RAP1GAP: variants seen among roughly 807,000 people sequenced by gnomAD.
RAP1GAP encodes the protein rap1 GTPase-activating protein 1.
A neutral mutation model predicts 87.2 loss-of-function variants in RAP1GAP; 35 were observed. The ratio of observed to expected loss-of-function variants is 0.40; its 90% CI spans 0.31 to 0.53. RAP1GAP has a LOEUF of 0.53. RAP1GAP is among the 20% of genes least tolerant of loss of function. The probability of loss-of-function intolerance (pLI) is 0.48; values close to 1 mark genes in which losing one functional copy is unlikely to be tolerated. For synonymous variants in RAP1GAP, 375 were observed against 363.9 expected (o/e 1.03, Z -0.35); for missense variants, 734 against 898.9 (o/e 0.82, Z 2.35).
At chr1:21,599,126 G>A (rs990878814) in intron 21 of RAP1GAP, among the ~76,000 whole-genome samples, 83 of 152,318 alleles carry the variant, frequency 5.4e-4, no homozygotes, top group African/African-American at 1.9e-3. Flanking sequence ...AGGAGGAGGC[G>A]GCAGGAAGAG....
intron 1 of RAP1GAP, among the ~76,000 whole-genome samples, chr1:21,667,062 C>T (rs1028350439): frequency 2.0e-5 from 3 of 152,208 alleles, no homozygotes; most frequent in Admixed American, 2.0e-4. Flanking sequence ...ACTGTATTTG[C>T]GTTTGTGTCT....
rs756224015 is a variant in RAP1GAP at position 21,597,972 on chromosome 1, T to C, written c.1972A>G (p.Met658Val). 3.4e-5 allele frequency: 53 copies of C among 1,570,190 alleles called. No homozygotes were observed. The East Asian group carries it at 7.0e-4, about 21-fold the overall frequency. The change falls in exon 23 of 25, where the codon ATG becomes GTG. Residue 658 changes from methionine to valine, a missense_variant. By Grantham distance (21) the Met-to-Val change is conservative. This residue lies in a region of RAP1GAP where 249 missense variants were observed against 252.7 expected (regional missense o/e 0.99). Coordinates refer to ENST00000374765, the MANE Select transcript of RAP1GAP (RefSeq NM_002885.4). Reference protein sequence around the residue: ...KIQLEASEQHMPQLGC With the variant: ...KIQLEASEQHVPQLGC Reference sequence around the variant, plus strand: ...GAGGCTGCACGTACCAGCTGGGGCATGTGCTGCTCAGATGCTTCCAGCTGG... The same window carrying C: ...GAGGCTGCACGTACCAGCTGGGGCACGTGCTGCTCAGATGCTTCCAGCTGG...
chr1:21,649,919 A>C lies in RAP1GAP; in HGVS notation c.-148-123T>G, dbSNP rs1216370566. The C allele has an allele frequency of 6.1e-5, 61 of 997,132 alleles. No individual in the cohort carries two copies. The Admixed American group carries it at 1.2e-3, about 20-fold the overall frequency. 61.8% of individuals were successfully genotyped at this position (997,132 alleles called of 1,614,324 possible). A position where few individuals can be genotyped will look rare whatever the true frequency, so the allele number is the denominator to read the frequency against. The stretch of plus-strand genomic sequence containing the variant: ...AGGGGCTGGAGAAGGTCCTGTTTCT[A>C]AGGATGCCTGATGCAGTCACTATCA... On this transcript the variant is annotated intron_variant, in intron 1 of 24. Transcript: ENST00000374765.
rs368853218 is a variant in RAP1GAP, at chr1:21,627,223, G to A, written c.-112-826C>T. On this transcript the variant is annotated intron_variant, in intron 2 of 24. Coordinates refer to ENST00000374765, the MANE Select transcript of RAP1GAP (RefSeq NM_002885.4). ...CGCTGCTGCCTAGGGCCACCCTGACGTGGCTGCACCTCTGCTCAGGTCCCA... is the reference window on the plus strand; with the variant it reads ...CGCTGCTGCCTAGGGCCACCCTGACATGGCTGCACCTCTGCTCAGGTCCCA... Among the ~76,000 whole-genome samples the A allele has an allele frequency of 5.3e-5, 8 of 152,302 alleles. 1 individual carries two copies. Among genetic ancestry groups the A allele is most frequent in the African/African-American group, 1.9e-4 (8 of 41,576 alleles).
intron 2 of RAP1GAP, chr1:21,627,023 A>C: frequency 2.2e-6 from 1 of 456,626 alleles, no homozygotes; most frequent in Non-Finnish European, 4.4e-6. Context: ...GCCTGAGTCT[A>C]AGCCCGGACT....
intron 19 of RAP1GAP, 112 bp from the exon 20 acceptor site, chr1:21,601,909 C>G (rs2068889714): frequency 2.9e-6 from 2 of 690,206 alleles, no homozygotes; most frequent in East Asian, 5.6e-5. Context: ...CATACCCACG[C>G]CCCTATACTC....
intron 1 of RAP1GAP, chr1:21,667,723 C>T (rs954334825): frequency 1.3e-5 from 2 of 152,314 alleles, no homozygotes; most frequent in African/African-American, 4.8e-5. Context: ...CTAGACCTTG[C>T]TGAAGGTGAC....
At chr1:21,605,827 G>A (rs987376415) in intron 18 of RAP1GAP, among the ~76,000 whole-genome samples, 1 of 152,262 alleles carries the variant, frequency 6.6e-6, no homozygotes, top group African/African-American at 2.4e-5. Context: ...CAGGAGGAGG[G>A]GAGGGCCAAG....
intron 17 of RAP1GAP, among the ~76,000 whole-genome samples, chr1:21,606,448 C>T (rs1168839546): frequency 6.6e-6 from 1 of 152,214 alleles, no homozygotes; most frequent in African/African-American, 2.4e-5. Context: ...GGCTCTGCCA[C>T]CAACTTGCCG....
intron 3 of RAP1GAP, among the ~76,000 whole-genome samples, chr1:21,621,363 T>C (rs2087326636): frequency 1.3e-5 from 2 of 151,782 alleles, no homozygotes; most frequent in African/African-American, 4.8e-5. Context: ...ACTGCAGGGG[T>C]AGCTAATCCC....
chr1:21,610,019 T>G, intron 14 of RAP1GAP, 101 bp downstream of exon 14: 19 of 1,367,304 alleles, frequency 1.4e-5, no homozygotes, highest in Admixed American at 2.5e-5. Context: ...GGTCCCCCCA[T>G]TATAGCTGGA....
At chr1:21,617,530 C>A (rs1466899393) in intron 6 of RAP1GAP, 39 bp from the exon 7 acceptor site, 1 of 1,554,606 alleles carries the variant, frequency 6.4e-7, no homozygotes, top group South Asian at 1.2e-5. Context: ...CCACACTGTA[C>A]CCCACTGGGC....
Position 21,606,093 on chromosome 1 carries a change from G to A in RAP1GAP, c.1401C>T (p.Asn467=), listed in dbSNP as rs751072147. Residue 467 remains asparagine, a synonymous_variant, in exon 18 of 25, where the codon AAC becomes AAT. Transcript: ENST00000374765. ...TTCCAGCCGCCTTGGCCAGGTCGGG[G>A]TTGTTGGGCGCGAAGCTCCCGCTGT... ...TSHSGSFAPN[N]PDLAKAAGIS... is the part of the protein sequence containing the mutation. 35 of 1,587,344 alleles carry A rather than the reference G, an allele frequency of 2.2e-5. 1 individual carries two copies. In the Admixed American group the frequency reaches 6.3e-4, roughly 29 times the overall value.
intron 1 of RAP1GAP, among the ~76,000 whole-genome samples, chr1:21,653,569 T>G (rs1035516728): frequency 2.9e-5 from 4 of 136,348 alleles, no homozygotes; most frequent in Admixed American, 2.2e-4. Flanking sequence ...CCTTCCTTCC[T>G]TCCTTCCTTC....
chr1:21,648,074 G>C (rs2096240866), intron 2 of RAP1GAP, among the ~76,000 whole-genome samples: 1 of 152,250 alleles, frequency 6.6e-6, no homozygotes, highest in African/African-American at 2.4e-5. Flanking sequence ...CAGCTGGGAA[G>C]GGAGGGCCTA....
chr1:21,661,053 A>G (rs2097137164), intron 1 of RAP1GAP, among the ~76,000 whole-genome samples: 1 of 152,152 alleles, frequency 6.6e-6, no homozygotes, highest in African/African-American at 2.4e-5. Flanking sequence ...GGAGTTCGAG[A>G]ACAGCCTGGC....
At position 21,634,644 on chromosome 1, in the gene RAP1GAP, C is replaced by T. The variant is rs1001721003; in HGVS notation, c.-112-8247G>A. 7 of 240,458 alleles carry T rather than the reference C, an allele frequency of 2.9e-5. No individual in the cohort carries two copies. The highest frequency in any genetic ancestry group is 1.7e-4 in the Admixed American group (4 of 23,692). The allele number at this position is 240,458 out of a possible 1,614,324, so 14.9% of individuals were successfully genotyped here. A position where few individuals can be genotyped will look rare whatever the true frequency, so the allele number is the denominator to read the frequency against. On this transcript the variant is annotated intron_variant, in intron 2 of 24. Transcript: ENST00000374765. The surrounding 1 kb of genome is among the most constrained non-coding windows in gnomAD (Gnocchi z 4.1). ...GCTGCATGCCGAGACACCCGGATCCCGGAGCTGGGCCAGGCAGAGGCCTCC... is the reference window on the plus strand; with the variant it reads ...GCTGCATGCCGAGACACCCGGATCCTGGAGCTGGGCCAGGCAGAGGCCTCC...
intron 1 of RAP1GAP, among the ~76,000 whole-genome samples, chr1:21,657,925 G>T (rs1240885715): frequency 6.6e-6 from 1 of 152,264 alleles, no homozygotes; most frequent in Non-Finnish European, 1.5e-5. Context: ...CCCCGACAAG[G>T]CCCTCATTGA....
At chr1:21,604,842 G>GAGATGGAT (rs2072787338) in intron 18 of RAP1GAP, among the ~76,000 whole-genome samples, 1 of 131,500 alleles carries the variant, frequency 7.6e-6, no homozygotes, top group Non-Finnish European at 1.7e-5. Context: ...GGGATGGATA[G>GAGATGGAT]AGATGGATGG....
Sources: allele counts gnomAD v4.1 joint callset (sites outside exome capture counted in the v4.1 genomes callset), GRCh38; gene constraint gnomAD v4.1.1; regional missense constraint gnomAD v4.1.1; non-coding constraint Gnocchi (gnomAD v3.1); transcripts MANE v1.5; gene names NCBI Gene and HGNC (gene_info 2026-07-23, HGNC 2026-07-21).